The following HRH2 variants were observed in gnomAD, a reference collection of about 807,000 sequenced individuals.
HRH2 encodes the protein histamine receptor H2, also known as histamine H2 receptor.
In HRH2, 4 loss-of-function variants were observed where a neutral mutation model predicts 20.1. The observed-to-expected ratio is 0.20, with a 90% CI of 0.10 to 0.45. The LOEUF is 0.45. Among genes scored for constraint, HRH2 ranks in the 20% least tolerant of loss-of-function variants. The pLI, the probability that HRH2 is intolerant of heterozygous loss-of-function variation, is 0.99. For synonymous variants in HRH2, 197 were observed against 200.7 expected, an observed-to-expected ratio of 0.98 and a Z score of 0.16; for missense variants, 250 against 461.6, an observed-to-expected ratio of 0.54 and a Z score of 4.20.
intron 1 of HRH2, among the ~76,000 whole-genome samples, chr5:175,679,726 G>A (rs1755895369): frequency 6.6e-6 from 1 of 152,164 alleles, no homozygotes; most frequent in Admixed American, 6.5e-5. Context: ...CAGGCATAGG[G>A]GATGCAAAGG....
intron 2 of HRH2, among the ~76,000 whole-genome samples, chr5:175,692,813 G>A (rs184574001): frequency 3.9e-5 from 6 of 152,306 alleles, no homozygotes; most frequent in South Asian, 2.1e-4. Flanking sequence ...CGGAGAGAGC[G>A]TGCCAACCCC....
At chr5:175,672,964 TA>T (rs1433351911) in intron 1 of HRH2, among the ~76,000 whole-genome samples, 2 of 151,150 alleles carry the variant, frequency 1.3e-5, no homozygotes, top group Non-Finnish European at 2.9e-5. Context: ...AGAGCAAGGT[TA>T]GGGGGGCCAG....
In HRH2 at chr5:175,708,111, TG is replaced by T. The variant is rs1000146634; in HGVS notation, c.*144del. 10 of 397,364 alleles carry T rather than the reference TG, an allele frequency of 2.5e-5. No individual in the cohort carries two copies. The highest frequency in any genetic ancestry group is 2.1e-4 in the African/African-American group (10 of 48,600). The allele number at this position is 397,364 out of a possible 1,614,324, so 24.6% of individuals were successfully genotyped here. ...GGCTCCCAGAACACACAGCTGGGTG[TG>T]GGGTCCTCAGGCCTAGGGCGGAACA... is the stretch of plus-strand genomic sequence containing the variant. On this transcript the variant is annotated 3_prime_UTR_variant, in exon 3 of 3. Transcript: ENST00000636584.
chr5:175,661,012 C>T (rs879710630), intron 1 of HRH2, among the ~76,000 whole-genome samples: 26 of 152,140 alleles, frequency 1.7e-4, no homozygotes, highest in Admixed American at 3.3e-4. Flanking sequence ...CCAGCCTTAT[C>T]GCCTCCAGCT....
Position 175,681,848 on chromosome 5 carries a change from G to A in HRH2, c.-525-861G>A, listed in dbSNP as rs1041090865. On this transcript the variant is annotated intron_variant, in intron 1 of 2. Transcript: ENST00000636584. The surrounding 1 kb of genome is among the most constrained non-coding windows in gnomAD (Gnocchi z 4.3). The stretch of plus-strand genomic sequence containing the variant: ...TGCTGACCTGGATGTGGGATCACGT[G>A]TTCTGCCAAGTAAGACCAGTAAGAT... Among the ~76,000 whole-genome samples, 3 of 152,212 alleles carry A rather than the reference G, an allele frequency of 2.0e-5. No homozygotes were observed. The highest frequency in any genetic ancestry group is 7.2e-5 in the African/African-American group (3 of 41,450).
At chr5:175,702,866 C>T (rs533224700) in intron 2 of HRH2, among the ~76,000 whole-genome samples, 6 of 151,900 alleles carry the variant, frequency 3.9e-5, no homozygotes, top group Non-Finnish European at 8.8e-5. Flanking sequence ...TGTGCCCAAC[C>T]AAATATACCA....
intron 2 of HRH2, chr5:175,685,800 G>A (rs1200590567): frequency 2.5e-6 from 1 of 396,548 alleles, no homozygotes; most frequent in Non-Finnish European, 4.6e-6. Context: ...AGTCCACGCT[G>A]GAGCGCTGAG....
rs1363306364 is a variant in HRH2 at position 175,709,586 on chromosome 5, GC to G, written c.*1618del. 1 of 152,492 alleles carries G rather than the reference GC, an allele frequency of 6.6e-6. No homozygotes were observed. The highest frequency in any genetic ancestry group is 2.4e-5 in the African/African-American group (1 of 41,458). 9.4% of individuals were successfully genotyped at this position (152,492 alleles called of 1,614,324 possible). A position where few individuals can be genotyped will look rare whatever the true frequency, so the allele number is the denominator to read the frequency against. On this transcript the variant is annotated 3_prime_UTR_variant, in exon 3 of 3. Transcript: ENST00000636584. ...AGGTCCCTTTCTCAGACCAAAGCCTGCCCGGGCTTCACAGGCTGAGGGTCCA... is the reference window on the plus strand; with the variant it reads ...AGGTCCCTTTCTCAGACCAAAGCCTGCCGGGCTTCACAGGCTGAGGGTCCA...
At chr5:175,692,016 GC>G (rs749882527) in intron 2 of HRH2, among the ~76,000 whole-genome samples, 78 of 152,284 alleles carry the variant, frequency 5.1e-4, no homozygotes, top group Admixed American at 1.6e-3. Context: ...TTCACCTGAT[GC>G]TTTTGTGCAG....
intron 2 of HRH2, among the ~76,000 whole-genome samples, chr5:175,707,514 T>A (rs978501148): frequency 6.6e-6 from 1 of 152,202 alleles, no homozygotes; most frequent in Non-Finnish European, 1.5e-5. Flanking sequence ...GTAAGTAAAT[T>A]GACCACAGGC....
chr5:175,688,226 G>A (rs923532980), intron 2 of HRH2, among the ~76,000 whole-genome samples: 2 of 152,204 alleles, frequency 1.3e-5, no homozygotes, highest in Admixed American at 6.5e-5. Flanking sequence ...TAATGTCATC[G>A]AAACTGCAAA....
chr5:175,704,564 C>CA (rs1382903546), intron 2 of HRH2, among the ~76,000 whole-genome samples: 1 of 152,130 alleles, frequency 6.6e-6, no homozygotes, highest in East Asian at 1.9e-4. Flanking sequence ...GGCCATCACA[C>CA]TTCTATTCAA....
At chr5:175,702,952 TG>T (rs1756836815) in intron 2 of HRH2, among the ~76,000 whole-genome samples, 1 of 152,156 alleles carries the variant, frequency 6.6e-6, no homozygotes, top group African/African-American at 2.4e-5. Flanking sequence ...TAAATTTGTA[TG>T]TACCAAATAA....
Position 175,705,951 on chromosome 5 carries a change from T to C in HRH2, c.1077-1828T>C, listed in dbSNP as rs9784641. ...GGCCTGCCTTGGCCTCCCGAAGTGC[T>C]AGGATTACAGGCATGAACCACTGCT... On this transcript the variant is annotated intron_variant, in intron 2 of 2. Coordinates refer to ENST00000636584, the MANE Select transcript of HRH2 (RefSeq NM_001367711.1). 2.9e-3 allele frequency among the ~76,000 whole-genome samples: 441 copies of C among 152,308 alleles called. 1 individual carries two copies. The highest frequency in any genetic ancestry group is 0.01 in the African/African-American group (420 of 41,560).
chr5:175,683,119 A>AC lies in HRH2; in HGVS notation c.-114dup. The AC allele has an allele frequency of 1.0e-6, 1 of 956,726 alleles. No homozygotes were observed. Among genetic ancestry groups the AC allele is most frequent in the Non-Finnish European group, 1.5e-6 (1 of 669,216 alleles). 59.3% of individuals were successfully genotyped at this position (956,726 alleles called of 1,614,324 possible). A position where few individuals can be genotyped will look rare whatever the true frequency, so the allele number is the denominator to read the frequency against. On this transcript the variant is annotated 5_prime_UTR_variant, in exon 2 of 3. Coordinates refer to ENST00000636584, the MANE Select transcript of HRH2 (RefSeq NM_001367711.1). Reference sequence around the variant, plus strand: ...AAAAAAAAAAAAAAAAAAACTGGACACATTTTGGATCTGTTGGGAGCTTGG... The same window carrying AC: ...AAAAAAAAAAAAAAAAAAACTGGACACCATTTTGGATCTGTTGGGAGCTTGG...
intron 1 of HRH2, among the ~76,000 whole-genome samples, chr5:175,667,042 G>C (rs1005921566): frequency 5.3e-5 from 8 of 150,524 alleles, no homozygotes; most frequent in African/African-American, 2.0e-4. Flanking sequence ...GTAATGTATA[G>C]TCTTATTTTT....
intron 2 of HRH2, among the ~76,000 whole-genome samples, chr5:175,706,758 G>A (rs1028218593): frequency 2.0e-5 from 3 of 152,226 alleles, no homozygotes; most frequent in African/African-American, 4.8e-5. Flanking sequence ...GCCCTCACAT[G>A]GAAGGAAGCG....
intron 2 of HRH2, among the ~76,000 whole-genome samples, chr5:175,706,299 A>T (rs191797244): frequency 6.6e-6 from 1 of 152,354 alleles, no homozygotes. Flanking sequence ...ATTTCATTTA[A>T]AAATATTTAA....
rs1318430132 is a variant in HRH2, at chr5:175,683,852, A to G, written c.619A>G (p.Lys207Glu). The change falls in exon 2 of 3, where the codon AAG (lysine) becomes GAG (glutamate). Residue 207 changes from lysine to glutamate, a missense_variant. Transcript: ENST00000636584. ...GTGCATCACCTACTACCGCATCTTC[A>G]AGGTCGCCCGGGATCAGGCCAAGAG... ...IMCITYYRIF[K>E]VARDQAKRIN... 2 of 1,613,974 alleles carry G rather than the reference A, an allele frequency of 1.2e-6. No homozygotes were observed. Among genetic ancestry groups the G allele is most frequent in the Non-Finnish European group, 8.5e-7 (1 of 1,180,024 alleles).
Sources: gnomAD v4.1 joint callset for allele counts (sites outside exome capture counted in the v4.1 genomes callset) on GRCh38, gnomAD v4.1.1 for gene constraint, Gnocchi (gnomAD v3.1) non-coding constraint, MANE v1.5 for transcripts, NCBI Gene and HGNC (gene_info 2026-07-23, HGNC 2026-07-21) for gene names.